Variants in SMARCC1 observed in about 807,000 individuals in gnomAD.
SMARCC1 encodes SWI/SNF related BAF chromatin remodeling complex subunit C1.
Under a neutral mutation model 147.4 loss-of-function variants are expected in SMARCC1, and 43 were observed. That is an observed-to-expected ratio of 0.29 (90% CI 0.23 to 0.38). The LOEUF (loss-of-function observed/expected upper bound fraction) is 0.38. Ranked by LOEUF, SMARCC1 falls within the 10% of genes least tolerant of loss-of-function variation. The probability of loss-of-function intolerance (pLI) is 1.00; values close to 1 mark genes in which losing one functional copy is unlikely to be tolerated. For missense variants in SMARCC1, 1,119 were observed against 1,381.1 expected, an observed-to-expected ratio of 0.81 and a Z score of 3.01; for synonymous variants, 495 against 484.4, an observed-to-expected ratio of 1.02 and a Z score of -0.29.
intron 25 of SMARCC1, among the ~76,000 whole-genome samples, chr3:47,618,775 G>A (rs1257806346): frequency 6.6e-6 from 1 of 151,970 alleles, no homozygotes; most frequent in East Asian, 1.9e-4. Context: ...AAAACCGGGG[G>A]ACCTGCAGGT....
Position 47,586,650 on chromosome 3 carries a change from A to G in SMARCC1, c.*1559T>C, listed in dbSNP as rs1280731951. The G allele has an allele frequency of 6.6e-6, 1 of 152,604 alleles. No homozygotes were observed. The highest frequency in any genetic ancestry group is 1.5e-5 in the Non-Finnish European group (1 of 68,038). 9.5% of individuals were successfully genotyped at this position (152,604 alleles called of 1,614,324 possible). On this transcript the variant is annotated 3_prime_UTR_variant, in exon 28 of 28. Transcript: ENST00000254480. Reference sequence around the variant, plus strand: ...TATAAACACCTCCCTATACCCTCTCATATGTAAAGCTTTAGAAAATATATA... The same window carrying G: ...TATAAACACCTCCCTATACCCTCTCGTATGTAAAGCTTTAGAAAATATATA...
chr3:47,765,044 G>A (rs142495009), intron 2 of SMARCC1, among the ~76,000 whole-genome samples: 2,947 of 152,240 alleles, frequency 0.019, 37 homozygotes, highest in Non-Finnish European at 0.029. Flanking sequence ...CTGAGGTCGG[G>A]AGTTCAAGAC....
intron 19 of SMARCC1, 82 bp downstream of exon 19, chr3:47,670,576 C>T (rs2106747945): frequency 2.2e-6 from 2 of 928,622 alleles, no homozygotes; most frequent in East Asian, 2.4e-5. Context: ...ACAGCGAGAC[C>T]CTGCCTCTAA....
intron 5 of SMARCC1, among the ~76,000 whole-genome samples, chr3:47,731,548 ATAGCAGCTC>A (rs2034375073): frequency 6.6e-6 from 1 of 152,218 alleles, no homozygotes. Context: ...ACCACTAACT[ATAGCAGCTC>A]TATCTTTACA....
chr3:47,760,259 C>T (rs1274728131), intron 2 of SMARCC1, among the ~76,000 whole-genome samples: 2 of 152,084 alleles, frequency 1.3e-5, no homozygotes, highest in Non-Finnish European at 2.9e-5. Context: ...CTGCAGTGAG[C>T]CAGGATCGTA....
intron 26 of SMARCC1, among the ~76,000 whole-genome samples, chr3:47,593,904 C>T (rs1045713677): frequency 2.0e-5 from 3 of 152,206 alleles, no homozygotes; most frequent in Admixed American, 6.5e-5. Flanking sequence ...GTGGCTCACA[C>T]CTGTATTCCC....
At chr3:47,638,824 G>A in intron 21 of SMARCC1, 44 bp from the exon 22 acceptor site, 1 of 1,355,080 alleles carries the variant, frequency 7.4e-7, no homozygotes, top group South Asian at 1.2e-5. Flanking sequence ...TGTGGAAAAA[G>A]GTAAAAGCTA....
rs2034076633 is a variant in SMARCC1 at position 47,710,904 on chromosome 3, G to C, written c.793-96C>G. The C allele has an allele frequency of 6.8e-6, 6 of 879,216 alleles. No homozygotes were observed. In the East Asian group the frequency reaches 1.6e-4, roughly 24 times the overall value. 54.5% of individuals were successfully genotyped at this position (879,216 alleles called of 1,614,324 possible). A position where few individuals can be genotyped will look rare whatever the true frequency, so the allele number is the denominator to read the frequency against. ...GGAAACAAGCTGATTTATTTTCAAA[G>C]CCTCAAATGCATAAAACATTAATAA... On this transcript the variant is annotated intron_variant, in intron 8 of 27. Coordinates refer to ENST00000254480, the MANE Select transcript of SMARCC1 (RefSeq NM_003074.4).
At chr3:47,629,962 G>C (rs1260331990) in intron 24 of SMARCC1, among the ~76,000 whole-genome samples, 1 of 151,746 alleles carries the variant, frequency 6.6e-6, no homozygotes, top group Non-Finnish European at 1.5e-5. Context: ...GAAAGGTCTG[G>C]CAACAGTGGT....
At chr3:47,750,044 T>G (rs1406487357) in intron 2 of SMARCC1, among the ~76,000 whole-genome samples, 1 of 148,490 alleles carries the variant, frequency 6.7e-6, no homozygotes, top group Non-Finnish European at 1.5e-5. Context: ...ATGGTGCCAC[T>G]GCACTCCAGC....
At chr3:47,713,318 A>AAAATAAATAAATAAAT (rs144722768) in intron 8 of SMARCC1, among the ~76,000 whole-genome samples, 32 of 146,622 alleles carry the variant, frequency 2.2e-4, no homozygotes, top group African/African-American at 8.2e-4. Context: ...ACTCCGTCTC[A>AAAATAAATAAATAAAT]AAATAAATAA....
intron 21 of SMARCC1, among the ~76,000 whole-genome samples, chr3:47,659,760 A>AGGG (rs71619691): frequency 0.05 from 2,355 of 47,234 alleles, 136 homozygotes; most frequent in East Asian, 0.069. Context: ...GAAAAAAAAA[A>AGGG]GGGGGGGGGG....
chr3:47,664,612 GAATT>G (rs1409101930), intron 19 of SMARCC1, among the ~76,000 whole-genome samples: 2 of 152,172 alleles, frequency 1.3e-5, no homozygotes, highest in Non-Finnish European at 2.9e-5. Flanking sequence ...GAATGTTGAG[GAATT>G]AATTGGATAA....
At chr3:47,769,210 C>CCAAACA (rs1553692339) in intron 2 of SMARCC1, among the ~76,000 whole-genome samples, 1 of 33,102 alleles carries the variant, frequency 3.0e-5, no homozygotes. Flanking sequence ...GACTCCGTCT[C>CCAAACA]AAAAAAAAAA....
At chr3:47,752,612 G>T (rs554524625) in intron 2 of SMARCC1, among the ~76,000 whole-genome samples, 16 of 151,964 alleles carry the variant, frequency 1.1e-4, no homozygotes, top group Middle Eastern at 3.2e-3. Flanking sequence ...ATAACAGAGC[G>T]AAACCCTGTC....
At chr3:47,618,438 T>C (rs1188922609) in intron 25 of SMARCC1, among the ~76,000 whole-genome samples, 1 of 151,280 alleles carries the variant, frequency 6.6e-6, no homozygotes, top group East Asian at 1.9e-4. Context: ...CTCAGCTGCT[T>C]GGGGAGGCTG....
At chr3:47,627,778 C>G (rs893416153) in intron 24 of SMARCC1, among the ~76,000 whole-genome samples, 1 of 152,090 alleles carries the variant, frequency 6.6e-6, no homozygotes, top group African/African-American at 2.4e-5. Context: ...TGAAGTGCAC[C>G]AGTGAGATCA....
intron 10 of SMARCC1, among the ~76,000 whole-genome samples, chr3:47,704,908 C>T (rs1300151853): frequency 2.7e-5 from 4 of 149,822 alleles, no homozygotes; most frequent in African/African-American, 7.4e-5. Context: ...CAGAGCAAGA[C>T]CCTGTCTCAA....
intron 5 of SMARCC1, among the ~76,000 whole-genome samples, chr3:47,732,835 C>A (rs145361987): frequency 1.3e-5 from 2 of 152,148 alleles, no homozygotes; most frequent in Admixed American, 1.3e-4. Flanking sequence ...GTAAGCCAGG[C>A]GCGGTGGCTC....
Sources: allele counts gnomAD v4.1 joint callset (sites outside exome capture counted in the v4.1 genomes callset), GRCh38; gene constraint gnomAD v4.1.1; transcripts MANE v1.5; gene names NCBI Gene and HGNC (gene_info 2026-07-23, HGNC 2026-07-21).